Variants in LRRC4C observed in about 807,000 individuals in gnomAD.
LRRC4C encodes the protein leucine rich repeat containing 4C, also known as leucine-rich repeat-containing protein 4C.
Under a neutral mutation model 33.6 loss-of-function variants are expected in LRRC4C, and 5 were observed. That is an observed-to-expected ratio of 0.15 (90% confidence interval 0.08 to 0.31). The LOEUF is 0.31. Among genes scored for constraint, LRRC4C ranks in the 10% least tolerant of loss-of-function variants. LRRC4C has a pLI of 1.00. For synonymous variants in LRRC4C, 329 were observed against 302.0 expected, an observed-to-expected ratio of 1.09 and a Z score of -0.93; for missense variants, 560 against 796.7, an observed-to-expected ratio of 0.70 and a Z score of 3.58.
At chr11:40,591,442 C>T (rs1031397395) in intron 3 of LRRC4C, among the ~76,000 whole-genome samples, 4 of 152,216 alleles carry the variant, frequency 2.6e-5, no homozygotes, top group Non-Finnish European at 5.9e-5. Flanking sequence ...CCGTCTTCTG[C>T]ATCACTCACG....
At position 40,908,609 on chromosome 11, in the gene LRRC4C, C is replaced by T. The variant is rs144365530; in HGVS notation, c.-407+25026G>A. On this transcript the variant is annotated intron_variant, in intron 2 of 6. Coordinates refer to ENST00000528697, the MANE Select transcript of LRRC4C (RefSeq NM_001258419.2). Reference sequence around the variant, plus strand: ...AAATATTACATGGTAAATAAACAAACATTTAGATGATCTTCTAAAAAATTG... The same window carrying T: ...AAATATTACATGGTAAATAAACAAATATTTAGATGATCTTCTAAAAAATTG... Among the ~76,000 whole-genome samples, 851 of 152,192 alleles carry T rather than the reference C, an allele frequency of 5.6e-3. 5 individuals carry two copies. The highest frequency in any genetic ancestry group is 0.019 in the African/African-American group (787 of 41,558).
At chr11:41,034,742 G>A (rs924236093) in intron 1 of LRRC4C, among the ~76,000 whole-genome samples, 1 of 147,988 alleles carries the variant, frequency 6.8e-6, no homozygotes, top group African/African-American at 2.5e-5. Context: ...CGGCTATACA[G>A]TCTGATTTCA....
At chr11:40,285,266 T>C (rs913506707) in intron 4 of LRRC4C, among the ~76,000 whole-genome samples, 1 of 152,110 alleles carries the variant, frequency 6.6e-6, no homozygotes, top group Non-Finnish European at 1.5e-5. Context: ...CCTCATTATT[T>C]AAGGAGAAGA....
rs79237612 is a variant in LRRC4C, at chr11:40,748,815, G to A, written c.-406-100537C>T. 8.6e-3 allele frequency among the ~76,000 whole-genome samples: 1,315 copies of A among 152,106 alleles called. 21 individuals carry two copies. The highest frequency in any genetic ancestry group is 0.03 in the African/African-American group (1,246 of 41,526). ...TATTCCAGGCAAATGAAAGTCAATTGCCAACAAGAATAGCTATACATATAT... is the reference window on the plus strand; with the variant it reads ...TATTCCAGGCAAATGAAAGTCAATTACCAACAAGAATAGCTATACATATAT... On this transcript the variant is annotated intron_variant, in intron 2 of 6. Transcript: ENST00000528697.
chr11:41,173,940 A>G (rs970010376), intron 1 of LRRC4C, among the ~76,000 whole-genome samples: 1 of 152,150 alleles, frequency 6.6e-6, no homozygotes, highest in Non-Finnish European at 1.5e-5. Flanking sequence ...TAAAAGTTAT[A>G]ATGTTTATCA....
intron 1 of LRRC4C, among the ~76,000 whole-genome samples, chr11:41,257,070 C>A (rs1440350796): frequency 1.3e-5 from 2 of 151,940 alleles, no homozygotes; most frequent in Non-Finnish European, 1.5e-5. Context: ...AACAACCAAA[C>A]CACCATGAAC....
intron 3 of LRRC4C, among the ~76,000 whole-genome samples, chr11:40,581,903 TAAATAAATAAAAGAATAA>T (rs1224367469): frequency 3.3e-5 from 5 of 152,152 alleles, no homozygotes; most frequent in East Asian, 1.9e-4. Flanking sequence ...ACTCTGTCTC[TAAATAAATAAAAGAATAA>T]AAATAAATAA....
intron 1 of LRRC4C, among the ~76,000 whole-genome samples, chr11:41,035,246 G>C (rs567686743): frequency 4.6e-5 from 7 of 151,672 alleles, no homozygotes; most frequent in African/African-American, 1.4e-4. Context: ...AATAAAAAAT[G>C]CTTCCTTCAA....
intron 3 of LRRC4C, among the ~76,000 whole-genome samples, chr11:40,510,090 T>C (rs1443257514): frequency 6.6e-6 from 1 of 151,896 alleles, no homozygotes; most frequent in Non-Finnish European, 1.5e-5. Context: ...GGGTTCTTGT[T>C]TTACATTTTA....
chr11:40,370,812 A>G (rs1948417518), intron 3 of LRRC4C, among the ~76,000 whole-genome samples: 1 of 152,234 alleles, frequency 6.6e-6, no homozygotes, highest in Non-Finnish European at 1.5e-5. Flanking sequence ...TGTTTCCAAA[A>G]TAAAATAAAA....
At chr11:40,128,817 T>A (rs4756577) in intron 6 of LRRC4C, among the ~76,000 whole-genome samples, 63,503 of 152,048 alleles carry the variant, frequency 0.42, 13,963 homozygotes, top group African/African-American at 0.55. Flanking sequence ...GTTTTCCTTT[T>A]AATTCTGGGC....
chr11:41,050,666 C>A (rs1858141444), intron 1 of LRRC4C, among the ~76,000 whole-genome samples: 1 of 152,064 alleles, frequency 6.6e-6, no homozygotes, highest in Admixed American at 6.6e-5. Flanking sequence ...TGTAAATGTG[C>A]CACATTTTTT....
At chr11:41,299,299 C>A (rs1950223457) in intron 1 of LRRC4C, among the ~76,000 whole-genome samples, 1 of 152,070 alleles carries the variant, frequency 6.6e-6, no homozygotes, top group South Asian at 2.1e-4. Context: ...AAGGTAAAAA[C>A]AATAATATCA....
At chr11:40,773,288 T>A (rs1229138061) in intron 2 of LRRC4C, among the ~76,000 whole-genome samples, 2 of 152,120 alleles carry the variant, frequency 1.3e-5, no homozygotes, top group Non-Finnish European at 2.9e-5. Flanking sequence ...GGCTAGTATT[T>A]TGTACCATAA....
intron 1 of LRRC4C, among the ~76,000 whole-genome samples, chr11:41,326,062 G>A (rs944947759): frequency 2.7e-5 from 4 of 150,594 alleles, no homozygotes; most frequent in Non-Finnish European, 5.9e-5. Flanking sequence ...CTGTGAGGGT[G>A]TTGCCAAAGG....
intron 6 of LRRC4C, among the ~76,000 whole-genome samples, chr11:40,123,589 G>C (rs1855986760): frequency 6.6e-6 from 1 of 151,822 alleles, no homozygotes; most frequent in Non-Finnish European, 1.5e-5. Context: ...AATTGGATCA[G>C]ACACGCAAAA....
At chr11:41,153,040 T>C (rs1944067750) in intron 1 of LRRC4C, among the ~76,000 whole-genome samples, 1 of 152,192 alleles carries the variant, frequency 6.6e-6, no homozygotes, top group Non-Finnish European at 1.5e-5. Context: ...CTCCATCTCA[T>C]ACTCTTACGT....
intron 1 of LRRC4C, among the ~76,000 whole-genome samples, chr11:41,226,142 G>T (rs1028862506): frequency 1.3e-5 from 2 of 152,000 alleles, no homozygotes; most frequent in African/African-American, 4.8e-5. Context: ...GTGGAGTCTT[G>T]GTTCCTGTTT....
intron 2 of LRRC4C, among the ~76,000 whole-genome samples, chr11:40,835,242 A>T (rs1304465094): frequency 1.3e-5 from 2 of 152,168 alleles, no homozygotes; most frequent in African/African-American, 2.4e-5. Flanking sequence ...GTAAAATATA[A>T]AAAAAGAGTT....
Sources: allele counts gnomAD v4.1 joint callset (sites outside exome capture counted in the v4.1 genomes callset), GRCh38; gene constraint gnomAD v4.1.1; transcripts MANE v1.5; gene names NCBI Gene and HGNC (gene_info 2026-07-23, HGNC 2026-07-21).